PINX1: variants seen among roughly 807,000 people sequenced by gnomAD.
PINX1 encodes the protein PIN2/TERF1-interacting telomerase inhibitor 1.
Under a neutral mutation model 25.4 loss-of-function variants are expected in PINX1, and 34 were observed. That is an observed-to-expected ratio of 1.34 (90% CI 1.02 to 1.78). The LOEUF (loss-of-function observed/expected upper bound fraction) is 1.78, where lower values mean the gene tolerates loss of function less well. Among genes scored for constraint, PINX1 ranks in the 40% most tolerant of loss-of-function variants. The pLI is 0.00. For synonymous variants in PINX1, 197 were observed against 147.7 expected (o/e 1.33, Z -2.42); for missense variants, 592 against 404.9 (o/e 1.46, Z -3.97).
chr8:10,799,645 T>A (rs1007943829), intron 6 of PINX1, among the ~76,000 whole-genome samples: 1 of 152,168 alleles, frequency 6.6e-6, no homozygotes, highest in South Asian at 2.1e-4. Flanking sequence ...TCCACAGCAG[T>A]CTAATCCCAC....
At chr8:10,819,927 A>G (rs1797813953) in intron 6 of PINX1, among the ~76,000 whole-genome samples, 1 of 152,196 alleles carries the variant, frequency 6.6e-6, no homozygotes, top group East Asian at 1.9e-4. Context: ...TTCTTCCCCA[A>G]GTTTAATCTA....
At chr8:10,807,237 G>C (rs932146864) in intron 6 of PINX1, among the ~76,000 whole-genome samples, 8 of 150,752 alleles carry the variant, frequency 5.3e-5, no homozygotes, top group Admixed American at 4.0e-4. Flanking sequence ...GAGATAGTAA[G>C]ACATAGCTCT....
chr8:10,774,214 A>T (rs1801316825), intron 6 of PINX1, among the ~76,000 whole-genome samples: 1 of 152,226 alleles, frequency 6.6e-6, no homozygotes. Context: ...GCTCCTTACT[A>T]TAGAAAGCAC....
intron 6 of PINX1, among the ~76,000 whole-genome samples, chr8:10,772,161 T>C (rs532476943): frequency 6.6e-6 from 1 of 152,356 alleles, no homozygotes; most frequent in Admixed American, 6.5e-5. Flanking sequence ...AGAAGAGAGT[T>C]CTCGTGCATA....
chr8:10,809,263 G>A (rs770816584), intron 6 of PINX1, among the ~76,000 whole-genome samples: 1 of 152,160 alleles, frequency 6.6e-6, no homozygotes, highest in African/African-American at 2.4e-5. Flanking sequence ...AGTGGCTGGA[G>A]GGAAGATCCT....
chr8:10,831,670 G>T lies in PINX1; in HGVS notation c.296C>A (p.Thr99Asn). 1 of 1,593,442 alleles carries T rather than the reference G, an allele frequency of 6.3e-7. No homozygotes were observed. Among genetic ancestry groups the T allele is most frequent in the Non-Finnish European group, 8.6e-7 (1 of 1,164,716 alleles). Residue 99 changes from threonine (T) to asparagine (N), a missense_variant, in exon 4 of 7, where the codon ACC (threonine) becomes AAC (asparagine). Physicochemically the swap from Thr to Asn is moderately conservative, Grantham distance 65. Transcript: ENST00000314787. ...AELNTCHGQE[T>N]TDSSDKKEKK... ...ATGTCATCTGATTTCCCTACCTGTG[G>T]TTTCCTGCCCATGGCAAGTGTTCAG...
At chr8:10,810,199 G>A (rs369289361) in intron 6 of PINX1, among the ~76,000 whole-genome samples, 20 of 152,188 alleles carry the variant, frequency 1.3e-4, no homozygotes, top group African/African-American at 4.3e-4. Flanking sequence ...ATTCAACATG[G>A]GGTTTGGAGG....
At position 10,765,517 on chromosome 8, in the gene PINX1, G is replaced by C. The variant is rs1447003979; in HGVS notation, c.871C>G (p.Leu291Val). 1.9e-6 allele frequency: 3 copies of C among 1,613,564 alleles called. No individual in the cohort carries two copies. Among genetic ancestry groups the C allele is most frequent in the Non-Finnish European group, 2.5e-6 (3 of 1,179,892 alleles). ...VQPPEGRDFT[L>V]KPKKRRGKKK... ...TTCCCTCTCCTCTTTTTGGGCTTCA[G>C]GGTGAAGTCCCGGCCCTCAGGCGGC... Residue 291 changes from leucine to valine, a missense_variant, in exon 7 of 7, where the codon CTG becomes GTG. Leu to Val is a conservative substitution (Grantham distance 32). Coordinates refer to ENST00000314787, the MANE Select transcript of PINX1 (RefSeq NM_017884.6).
At chr8:10,797,848 C>T (rs369736309) in intron 6 of PINX1, among the ~76,000 whole-genome samples, 1 of 151,770 alleles carries the variant, frequency 6.6e-6, no homozygotes, top group South Asian at 2.1e-4. Context: ...CTAGTGACCT[C>T]TCCACTGTCT....
At chr8:10,831,219 G>C (rs1471689697) in intron 4 of PINX1, among the ~76,000 whole-genome samples, 2 of 152,160 alleles carry the variant, frequency 1.3e-5, no homozygotes, top group African/African-American at 4.8e-5. Context: ...CGTTCATATG[G>C]AAAAGCTAAA....
intron 6 of PINX1, among the ~76,000 whole-genome samples, chr8:10,803,391 T>C (rs1331785690): frequency 6.6e-6 from 1 of 152,196 alleles, no homozygotes; most frequent in Non-Finnish European, 1.5e-5. Context: ...TGGACGTCTT[T>C]TTATGGTTCA....
intron 2 of PINX1, chr8:10,834,464 TG>T: frequency 1.4e-6 from 1 of 696,560 alleles, no homozygotes; most frequent in Non-Finnish European, 2.3e-6. Context: ...ATGCTAAGCA[TG>T]GCAGCTTAAA....
intron 6 of PINX1, among the ~76,000 whole-genome samples, chr8:10,801,259 G>A (rs2129079831): frequency 6.6e-6 from 1 of 152,338 alleles, no homozygotes; most frequent in Non-Finnish European, 1.5e-5. Flanking sequence ...ACGAAAGCGT[G>A]CTTCCAACTC....
intron 2 of PINX1, 60 bp downstream of exon 2, chr8:10,834,606 T>C (rs1798339286): frequency 4.4e-6 from 7 of 1,575,056 alleles, no homozygotes; most frequent in Non-Finnish European, 4.3e-6. Flanking sequence ...AAGGAAGTTT[T>C]CCCCTAATTT....
intron 6 of PINX1, among the ~76,000 whole-genome samples, chr8:10,808,849 A>G (rs994839077): frequency 3.9e-5 from 6 of 152,230 alleles, no homozygotes; most frequent in Non-Finnish European, 8.8e-5. Context: ...ATATTTTTCT[A>G]TCAACAACAC....
chr8:10,802,137 G>A (rs1197105386), intron 6 of PINX1, among the ~76,000 whole-genome samples: 3 of 151,672 alleles, frequency 2.0e-5, no homozygotes, highest in Non-Finnish European at 2.9e-5. Context: ...AAGAGCAAAG[G>A]GAAAAAAAAA....
At chr8:10,829,463 A>G (rs1798159851) in intron 4 of PINX1, among the ~76,000 whole-genome samples, 1 of 152,016 alleles carries the variant, frequency 6.6e-6, no homozygotes, top group Non-Finnish European at 1.5e-5. Flanking sequence ...TAGATGTTAT[A>G]ATGCATTTAG....
Position 10,795,282 on chromosome 8 carries a change from C to T in PINX1, c.471+24911G>A, listed in dbSNP as rs151336249. 9.2e-5 allele frequency among the ~76,000 whole-genome samples: 14 copies of T among 152,318 alleles called. No individual in the cohort carries two copies. In the East Asian group the frequency reaches 2.7e-3, roughly 29 times the overall value. On this transcript the variant is annotated intron_variant, in intron 6 of 6. Transcript: ENST00000314787. ...CTTTGACCTGGCTACAAACAGAGGGCTTGGCTTGCTCCCAGGCTGTCTTTC... is the reference window on the plus strand; with the variant it reads ...CTTTGACCTGGCTACAAACAGAGGGTTTGGCTTGCTCCCAGGCTGTCTTTC...
At chr8:10,827,421 G>C (rs1375619796) in intron 4 of PINX1, among the ~76,000 whole-genome samples, 5 of 152,066 alleles carry the variant, frequency 3.3e-5, no homozygotes, top group Admixed American at 6.5e-5. Context: ...GTAGGTCCTT[G>C]CCTGAAAGGT....
Sources: allele counts gnomAD v4.1 joint callset (sites outside exome capture counted in the v4.1 genomes callset), GRCh38; gene constraint gnomAD v4.1.1; transcripts MANE v1.5; gene names NCBI Gene and HGNC (gene_info 2026-07-23, HGNC 2026-07-21).